Variants in ZNF804A observed in about 807,000 individuals in gnomAD.
The protein encoded by ZNF804A is zinc finger protein 804A.
In ZNF804A, 2 loss-of-function variants were observed where a neutral mutation model predicts 16.5. The observed-to-expected ratio is 0.12, with a 90% CI of 0.05 to 0.38. The LOEUF (loss-of-function observed/expected upper bound fraction) is 0.38. Ranked by LOEUF, ZNF804A falls within the 10% of genes least tolerant of loss-of-function variation. The pLI, the probability that ZNF804A is intolerant of heterozygous loss-of-function variation, is 0.99. For synonymous variants in ZNF804A, 534 were observed against 489.6 expected, an observed-to-expected ratio of 1.09 and a Z score of -1.20; for missense variants, 1,473 against 1,390.7, an observed-to-expected ratio of 1.06 and a Z score of -0.94.
chr2:184,752,588 C>A (rs1182358397), intron 1 of ZNF804A, among the ~76,000 whole-genome samples: 1 of 151,416 alleles, frequency 6.6e-6, no homozygotes, highest in East Asian at 1.9e-4. Flanking sequence ...ACACAATATA[C>A]CCATGTAATA....
chr2:184,736,595 G>A (rs540076623), intron 1 of ZNF804A, among the ~76,000 whole-genome samples: 17 of 152,114 alleles, frequency 1.1e-4, no homozygotes, highest in South Asian at 1.0e-3. Context: ...TGGTGGGGAC[G>A]AGGGGAGGGA....
chr2:184,645,044 A>T (rs570944468), intron 1 of ZNF804A, among the ~76,000 whole-genome samples: 14 of 152,172 alleles, frequency 9.2e-5, no homozygotes, highest in African/African-American at 3.4e-4. Flanking sequence ...TAATTCCTAG[A>T]CACTTTTGAT....
intron 1 of ZNF804A, among the ~76,000 whole-genome samples, chr2:184,703,607 G>C (rs552813422): frequency 5.5e-5 from 8 of 146,762 alleles, no homozygotes; most frequent in Non-Finnish European, 7.5e-5. Context: ...GGAGAATGGC[G>C]TGAACCCAGG....
Position 184,936,087 on chromosome 2 carries a change from G to A in ZNF804A, c.691G>A (p.Ala231Thr), listed in dbSNP as rs1229432891. 6.2e-7 allele frequency: 1 copy of A among 1,614,032 alleles called. No homozygotes were observed. Among genetic ancestry groups the A allele is most frequent in the Middle Eastern group, 1.7e-4 (1 of 6,060 alleles). ...KASVKLESSA[A>T]AFSEYSDDAS... is the part of the protein sequence containing the mutation. Reference sequence around the variant, plus strand: ...GTCCGTGAAGCTAGAGTCCTCAGCTGCAGCCTTCTCTGAATACAGTGATGA... The same window carrying A: ...GTCCGTGAAGCTAGAGTCCTCAGCTACAGCCTTCTCTGAATACAGTGATGA... Residue 231 changes from alanine to threonine, a missense_variant, in exon 4 of 4, where the codon GCA becomes ACA. Transcript: ENST00000302277.
At chr2:184,611,241 A>G (rs1232576099) in intron 1 of ZNF804A, among the ~76,000 whole-genome samples, 1 of 152,140 alleles carries the variant, frequency 6.6e-6, no homozygotes, top group Non-Finnish European at 1.5e-5. Context: ...CATCTCTGAT[A>G]CCATCACATT....
At position 184,864,769 on chromosome 2, in the gene ZNF804A, G is replaced by T. The variant is rs1479398685; in HGVS notation, c.112-1600G>T. On this transcript the variant is annotated intron_variant, in intron 1 of 3. Coordinates refer to ENST00000302277, the MANE Select transcript of ZNF804A (RefSeq NM_194250.2). ...GTCCTTTCTAGTTTGTGTATTTAAGGAGGATAAGTGCCATTGCCATATAGA... is the reference window on the plus strand; with the variant it reads ...GTCCTTTCTAGTTTGTGTATTTAAGTAGGATAAGTGCCATTGCCATATAGA... Among the ~76,000 whole-genome samples the T allele has an allele frequency of 2.6e-5, 4 of 152,086 alleles. No homozygotes were observed. The East Asian group carries it at 7.7e-4, about 29-fold the overall frequency.
rs570089006 is a variant in ZNF804A, at chr2:184,933,693, C to A, written c.346C>A (p.Arg116Ser). The A allele has an allele frequency of 6.2e-7, 1 of 1,608,758 alleles. No homozygotes were observed. Among genetic ancestry groups the A allele is most frequent in the Non-Finnish European group, 8.5e-7 (1 of 1,178,262 alleles). The change falls in exon 3 of 4, where the codon CGC becomes AGC. Residue 116 changes from arginine to serine, a missense_variant. Physicochemically the swap from Arg to Ser is moderately radical, Grantham distance 110. Coordinates refer to ENST00000302277, the MANE Select transcript of ZNF804A (RefSeq NM_194250.2). ...AAGAAAACAGGAAAAGGCACTCCAA[C>A]GCCTGCACAAGCTGGCTGAGCTAAG... The part of the protein sequence containing the change: ...DERKQEKALQ[R>S]LHKLAELRKE...
intron 3 of ZNF804A, among the ~76,000 whole-genome samples, chr2:184,935,004 G>A (rs1012120773): frequency 1.3e-5 from 2 of 152,052 alleles, no homozygotes; most frequent in African/African-American, 4.8e-5. Context: ...TAGAATAGCA[G>A]GAATTTTCTT....
chr2:184,826,541 A>C (rs559399806), intron 1 of ZNF804A, among the ~76,000 whole-genome samples: 133 of 152,262 alleles, frequency 8.7e-4, no homozygotes, highest in Admixed American at 6.7e-3. Context: ...ATGGTCTGCT[A>C]ACCATTTATT....
chr2:184,794,025 T>C (rs558049602), intron 1 of ZNF804A, among the ~76,000 whole-genome samples: 1 of 152,306 alleles, frequency 6.6e-6, no homozygotes, highest in South Asian at 2.1e-4. Flanking sequence ...TGTGCTGCTA[T>C]AAACATGTGT....
intron 1 of ZNF804A, among the ~76,000 whole-genome samples, chr2:184,645,336 G>A (rs1195548412): frequency 6.6e-6 from 1 of 151,972 alleles, no homozygotes; most frequent in East Asian, 1.9e-4. Context: ...TTACATTGAT[G>A]ATATATTGAA....
chr2:184,911,265 A>G (rs1336359260), intron 2 of ZNF804A, among the ~76,000 whole-genome samples: 1 of 151,830 alleles, frequency 6.6e-6, no homozygotes, highest in Non-Finnish European at 1.5e-5. Context: ...ACTTTGTCAA[A>G]GGTCAGATGA....
intron 1 of ZNF804A, among the ~76,000 whole-genome samples, chr2:184,789,057 G>T (rs1406124335): frequency 6.6e-6 from 1 of 151,978 alleles, no homozygotes; most frequent in Non-Finnish European, 1.5e-5. Flanking sequence ...AGTGATGGTG[G>T]ATGTTATCGA....
Position 184,598,695 on chromosome 2 carries a change from G to C in ZNF804A, c.-265G>C. ...CCCCCTCCTAGGCTGGAATCCTCCC[G>C]CGGGGCTCGTCGTCCCGACGCGAAT... On this transcript the variant is annotated 5_prime_UTR_variant, in exon 1 of 4. Coordinates refer to ENST00000302277, the MANE Select transcript of ZNF804A (RefSeq NM_194250.2). 1 of 262,950 alleles carries C rather than the reference G, an allele frequency of 3.8e-6. No individual in the cohort carries two copies. Among genetic ancestry groups the C allele is most frequent in the Non-Finnish European group, 7.1e-6 (1 of 140,804 alleles). 16.3% of individuals were successfully genotyped at this position (262,950 alleles called of 1,614,324 possible).
intron 2 of ZNF804A, 26 bp from the exon 3 acceptor site, chr2:184,933,577 A>G: frequency 6.4e-7 from 1 of 1,568,874 alleles, no homozygotes; most frequent in Non-Finnish European, 8.6e-7. Context: ...AATACAATTA[A>G]TCATTTTCCA....
At chr2:184,882,926 A>C (rs1684830834) in intron 2 of ZNF804A, among the ~76,000 whole-genome samples, 1 of 152,050 alleles carries the variant, frequency 6.6e-6, no homozygotes, top group Admixed American at 6.6e-5. Flanking sequence ...GAAAAGAAAT[A>C]ACTGAAATCA....
intron 1 of ZNF804A, among the ~76,000 whole-genome samples, chr2:184,702,062 CTT>C (rs1692927932): frequency 6.6e-6 from 1 of 151,670 alleles, no homozygotes; most frequent in Non-Finnish European, 1.5e-5. Context: ...GAAAATCACT[CTT>C]TGTAAGCCAG....
rs1053028241 is a variant in ZNF804A, at chr2:184,709,399, ATATC to A, written c.111+110348_111+110351del. Among the ~76,000 whole-genome samples, 53 of 152,190 alleles carry A rather than the reference ATATC, an allele frequency of 3.5e-4. 1 individual carries two copies. Among genetic ancestry groups the A allele is most frequent in the South Asian group, 1.7e-3 (8 of 4,826 alleles). ...TACTTTAATATAGAAAATTAAATGA[ATATC>A]TATCTATCTATCTATCTAATACTTC... On this transcript the variant is annotated intron_variant, in intron 1 of 3. Coordinates refer to ENST00000302277, the MANE Select transcript of ZNF804A (RefSeq NM_194250.2).
chr2:184,787,084 T>C (rs1354517089), intron 1 of ZNF804A, among the ~76,000 whole-genome samples: 3 of 151,920 alleles, frequency 2.0e-5, no homozygotes, highest in African/African-American at 7.2e-5. Context: ...TTGTACCCAA[T>C]AGGTAATTTT....
Sources: allele counts gnomAD v4.1 joint callset (sites outside exome capture counted in the v4.1 genomes callset), GRCh38; gene constraint gnomAD v4.1.1; transcripts MANE v1.5; gene names NCBI Gene and HGNC (gene_info 2026-07-23, HGNC 2026-07-21).